MARCHF1: variants seen among roughly 807,000 people sequenced by gnomAD.
MARCHF1 encodes the protein membrane associated ring-CH-type finger 1.
A neutral mutation model predicts 54.2 loss-of-function variants in MARCHF1; 40 were observed. The observed-to-expected ratio is 0.74, with a 90% CI of 0.57 to 0.96. The LOEUF is 0.96. MARCHF1 is among the 40% of genes least tolerant of loss of function. The pLI is 0.00. For missense variants in MARCHF1, 586 were observed against 656.5 expected, an observed-to-expected ratio of 0.89 and a Z score of 1.17; for synonymous variants, 236 against 236.3, an observed-to-expected ratio of 1.00 and a Z score of 0.01.
At chr4:163,904,137 TTC>T (rs1373788292) in intron 3 of MARCHF1, among the ~76,000 whole-genome samples, 2 of 152,190 alleles carry the variant, frequency 1.3e-5, no homozygotes, top group African/African-American at 4.8e-5. Flanking sequence ...TAATAATATT[TTC>T]TGTCTAAAAT....
intron 3 of MARCHF1, among the ~76,000 whole-genome samples, chr4:163,962,089 A>G (rs1268372470): frequency 6.6e-6 from 1 of 152,006 alleles, no homozygotes; most frequent in Non-Finnish European, 1.5e-5. Flanking sequence ...ACACTAAATG[A>G]AAATTGCTGT....
At chr4:164,254,349 T>C (rs1413812260) in intron 1 of MARCHF1, among the ~76,000 whole-genome samples, 6 of 149,072 alleles carry the variant, frequency 4.0e-5, no homozygotes, top group South Asian at 2.1e-4. Context: ...GAGGATATTA[T>C]ATATATAAAC....
chr4:164,195,617 T>C (rs1449432927), intron 1 of MARCHF1, among the ~76,000 whole-genome samples: 1 of 152,162 alleles, frequency 6.6e-6, no homozygotes, highest in Non-Finnish European at 1.5e-5. Flanking sequence ...GGATCTAGAA[T>C]TTAAACCCGG....
At chr4:163,952,305 A>C (rs1752149603) in intron 3 of MARCHF1, among the ~76,000 whole-genome samples, 1 of 152,186 alleles carries the variant, frequency 6.6e-6, no homozygotes. Flanking sequence ...AACCAAAGAC[A>C]TGTGAAATCT....
chr4:163,847,018 C>T (rs1362198771), intron 4 of MARCHF1, among the ~76,000 whole-genome samples: 3 of 152,082 alleles, frequency 2.0e-5, no homozygotes, highest in African/African-American at 7.2e-5. Context: ...GAAAAAAAAT[C>T]TCAAGTCCAG....
At chr4:164,294,195 G>A (rs1218633575) in intron 1 of MARCHF1, among the ~76,000 whole-genome samples, 3 of 152,162 alleles carry the variant, frequency 2.0e-5, no homozygotes, top group Non-Finnish European at 2.9e-5. Flanking sequence ...CTGCACTCTC[G>A]GCTTCCCTAA....
chr4:163,751,006 T>C (rs1398991259), intron 4 of MARCHF1, among the ~76,000 whole-genome samples: 1 of 152,134 alleles, frequency 6.6e-6, no homozygotes, highest in Non-Finnish European at 1.5e-5. Context: ...AGAAAGATAA[T>C]AAAATTTGCT....
chr4:163,717,049 GGTTT>G (rs1479246602), intron 4 of MARCHF1, among the ~76,000 whole-genome samples: 1 of 151,620 alleles, frequency 6.6e-6, no homozygotes, highest in Non-Finnish European at 1.5e-5. Flanking sequence ...ACAACGTGCA[GGTTT>G]GTTACATATG....
intron 1 of MARCHF1, among the ~76,000 whole-genome samples, chr4:164,271,850 A>C (rs1733752693): frequency 6.6e-6 from 1 of 152,188 alleles, no homozygotes; most frequent in South Asian, 2.1e-4. Flanking sequence ...TTTGGATGAT[A>C]TCATAAGGTG....
intron 4 of MARCHF1, among the ~76,000 whole-genome samples, chr4:163,775,782 T>TA (rs937565986): frequency 6.6e-6 from 1 of 151,806 alleles, no homozygotes; most frequent in Admixed American, 6.6e-5. Context: ...TGAGTGGATA[T>TA]AAAAAAAGGG....
intron 1 of MARCHF1, among the ~76,000 whole-genome samples, chr4:164,302,354 G>C (rs1734583288): frequency 6.6e-6 from 1 of 152,068 alleles, no homozygotes; most frequent in African/African-American, 2.4e-5. Flanking sequence ...AAATTTATAA[G>C]TGGTATATTG....
chr4:164,277,781 T>C (rs1733923685), intron 1 of MARCHF1, among the ~76,000 whole-genome samples: 2 of 152,260 alleles, frequency 1.3e-5, no homozygotes, highest in African/African-American at 4.8e-5. Flanking sequence ...GGAGGAATTT[T>C]TGTTCTTGCT....
intron 1 of MARCHF1, among the ~76,000 whole-genome samples, chr4:164,145,511 G>A (rs1469708975): frequency 6.6e-6 from 1 of 151,772 alleles, no homozygotes; most frequent in Non-Finnish European, 1.5e-5. Flanking sequence ...TGCAAGGCTG[G>A]TTCAATATAC....
chr4:163,791,694 A>G lies in MARCHF1; in HGVS notation c.111+62327T>C, dbSNP rs949367015. 1.3e-5 allele frequency among the ~76,000 whole-genome samples: 2 copies of G among 152,046 alleles called. 1 individual carries two copies. The highest frequency in any genetic ancestry group is 2.9e-5 in the Non-Finnish European group (2 of 67,994). On this transcript the variant is annotated intron_variant, in intron 4 of 9. Coordinates refer to ENST00000514618, the MANE Select transcript of MARCHF1 (RefSeq NM_001394959.1). ...CCCTTGAGCTTACATAACTTTTCCA[A>G]CTTAATATTGCATCTTCAGTTTGTT...
chr4:163,829,546 T>TATC (rs1748958129), intron 4 of MARCHF1, among the ~76,000 whole-genome samples: 1 of 152,196 alleles, frequency 6.6e-6, no homozygotes, highest in Non-Finnish European at 1.5e-5. Context: ...ATCTCCTTAC[T>TATC]GCTCTTTCAG....
At chr4:163,591,504 A>G (rs1740592861) in intron 7 of MARCHF1, among the ~76,000 whole-genome samples, 1 of 152,100 alleles carries the variant, frequency 6.6e-6, no homozygotes, top group African/African-American at 2.4e-5. Flanking sequence ...GAATAAATTC[A>G]TGTTTAATAA....
chr4:163,975,601 A>T lies in MARCHF1; in HGVS notation c.-39+12900T>A, dbSNP rs1171299903. Among the ~76,000 whole-genome samples the T allele has an allele frequency of 5.9e-5, 9 of 152,336 alleles. No individual in the cohort carries two copies. The East Asian group carries it at 1.7e-3, about 29-fold the overall frequency. ...CTTTTCAGGTAAACATCCCAGGATT[A>T]AGATGAAATCAAGGGATTGGCTTTA... is the stretch of plus-strand genomic sequence containing the variant. On this transcript the variant is annotated intron_variant, in intron 3 of 9. Coordinates refer to ENST00000514618, the MANE Select transcript of MARCHF1 (RefSeq NM_001394959.1).
intron 3 of MARCHF1, among the ~76,000 whole-genome samples, chr4:163,957,020 T>C (rs1752245090): frequency 6.6e-6 from 1 of 152,044 alleles, no homozygotes; most frequent in Admixed American, 6.6e-5. Context: ...GTAGAGACTC[T>C]ATGTGACTTT....
At chr4:164,095,943 G>C (rs1755401112) in intron 2 of MARCHF1, among the ~76,000 whole-genome samples, 1 of 152,096 alleles carries the variant, frequency 6.6e-6, no homozygotes, top group African/African-American at 2.4e-5. Context: ...GAGGAGAAAG[G>C]GGAACGCTCA....
Sources: allele counts gnomAD v4.1 joint callset (sites outside exome capture counted in the v4.1 genomes callset), GRCh38; gene constraint gnomAD v4.1.1; transcripts MANE v1.5; gene names NCBI Gene and HGNC (gene_info 2026-07-23, HGNC 2026-07-21).